Variants in RBBP4 observed in about 807,000 individuals in gnomAD.
The protein encoded by RBBP4 is histone-binding protein RBBP4.
In RBBP4, 3 loss-of-function variants were observed where a neutral mutation model predicts 57.2. The observed-to-expected ratio is 0.05, with a 90% CI of 0.02 to 0.14. The LOEUF (loss-of-function observed/expected upper bound fraction) is 0.14. Among genes scored for constraint, RBBP4 ranks in the 10% least tolerant of loss-of-function variants. RBBP4 has a pLI of 1.00. For missense variants in RBBP4, 107 were observed against 520.6 expected (o/e 0.21, Z 7.73); for synonymous variants, 151 against 171.5 (o/e 0.88, Z 0.93).
At chr1:32,654,787 G>A (rs1415546670) in intron 2 of RBBP4, among the ~76,000 whole-genome samples, 1 of 152,138 alleles carries the variant, frequency 6.6e-6, no homozygotes, top group Non-Finnish European at 1.5e-5. Context: ...TCCGCCTCCT[G>A]GGTTCAATCG....
chr1:32,672,717 G>A lies in RBBP4; in HGVS notation c.1101+18G>A. On this transcript the variant is annotated intron_variant, in intron 10 of 11. Coordinates refer to ENST00000373493, the MANE Select transcript of RBBP4 (RefSeq NM_005610.3). ...AGTTGTTGGTATGTTAAAAGCATTG[G>A]ACAGTACTGAAATAGTCTGTAATTT... The A allele has an allele frequency of 6.2e-7, 1 of 1,612,130 alleles. No homozygotes were observed. Among genetic ancestry groups the A allele is most frequent in the Non-Finnish European group, 8.5e-7 (1 of 1,178,208 alleles).
intron 3 of RBBP4, among the ~76,000 whole-genome samples, chr1:32,658,011 C>G (rs1373659662): frequency 6.6e-6 from 1 of 152,034 alleles, no homozygotes; most frequent in Non-Finnish European, 1.5e-5. Context: ...CGCCACCACG[C>G]CTAGTTAATT....
chr1:32,679,887 A>G lies in RBBP4; in HGVS notation c.*182A>G, dbSNP rs1570880282. 1.5e-6 allele frequency: 2 copies of G among 1,297,680 alleles called. No individual in the cohort carries two copies. Among genetic ancestry groups the G allele is most frequent in the South Asian group, 2.5e-5 (1 of 40,686 alleles). 80.4% of individuals were successfully genotyped at this position (1,297,680 alleles called of 1,614,324 possible). ...AATATTAATAGGGGGGCTTGATTCAACAAAGCCACAGACTTAACGTTGAAA... is the reference window on the plus strand; with the variant it reads ...AATATTAATAGGGGGGCTTGATTCAGCAAAGCCACAGACTTAACGTTGAAA... On this transcript the variant is annotated 3_prime_UTR_variant, in exon 12 of 12. Coordinates refer to ENST00000373493, the MANE Select transcript of RBBP4 (RefSeq NM_005610.3).
At chr1:32,660,131 G>C (rs147372385) in intron 3 of RBBP4, among the ~76,000 whole-genome samples, 3 of 152,120 alleles carry the variant, frequency 2.0e-5, no homozygotes, top group Admixed American at 1.3e-4. Flanking sequence ...TTTTTTGCCC[G>C]TATTTCCTTT....
intron 11 of RBBP4, among the ~76,000 whole-genome samples, chr1:32,678,448 A>C (rs1649214019): frequency 6.6e-6 from 1 of 151,814 alleles, no homozygotes; most frequent in Admixed American, 6.6e-5. Flanking sequence ...GCTGGTCTCG[A>C]ACTCCTGACC....
rs760939275 is a variant in RBBP4 at position 32,679,702 on chromosome 1, C to T, written c.1275C>T (p.Ser425=). The T allele has an allele frequency of 1.9e-6, 3 of 1,612,700 alleles. No individual in the cohort carries two copies. The Admixed American group carries it at 5.0e-5, about 27-fold the overall frequency. ...EGSVDPEGQG[S] ...GCGTGGATCCAGAAGGACAAGGGTC[C>T]TAGATATGTCTTTACTTGTTGTGAT... Residue 425 remains serine, a synonymous_variant, in exon 12 of 12, where the codon TCC becomes TCT. Coordinates refer to ENST00000373493, the MANE Select transcript of RBBP4 (RefSeq NM_005610.3).
Position 32,668,391 on chromosome 1 carries a change from T to A in RBBP4, c.477T>A (p.Ser159=). The A allele has an allele frequency of 1.3e-6, 2 of 1,594,296 alleles. No homozygotes were observed. Among genetic ancestry groups the A allele is most frequent in the Non-Finnish European group, 1.7e-6 (2 of 1,162,848 alleles). The change falls in exon 4 of 12, where the codon TCT becomes TCA. Residue 159 remains serine (S), a synonymous_variant. Transcript: ENST00000373493. ...VLVFDYTKHP[S]KPDPSGECNP... ...TTTTTGACTATACAAAACATCCTTC[T>A]AAACCAGGTATGTGCCCTTTTCTAT...
In RBBP4 at chr1:32,680,686, C is replaced by A; in HGVS notation, c.*981C>A. On this transcript the variant is annotated 3_prime_UTR_variant, in exon 12 of 12. Coordinates refer to ENST00000373493, the MANE Select transcript of RBBP4 (RefSeq NM_005610.3). ...CTGATGGGTTTTATTTAGTATAAAA[C>A]ATCCATCAAACACCAGTCTCTGGCT... 1 of 746,442 alleles carries A rather than the reference C, an allele frequency of 1.3e-6. No individual in the cohort carries two copies. Among genetic ancestry groups the A allele is most frequent in the Non-Finnish European group, 2.1e-6 (1 of 471,048 alleles). 46.2% of individuals were successfully genotyped at this position (746,442 alleles called of 1,614,324 possible).
chr1:32,681,553 T>G lies in RBBP4; in HGVS notation c.*1848T>G. On this transcript the variant is annotated 3_prime_UTR_variant, in exon 12 of 12. Coordinates refer to ENST00000373493, the MANE Select transcript of RBBP4 (RefSeq NM_005610.3). Reference sequence around the variant, plus strand: ...ATACATTCATCCTTCACTCAGTGCATATGTGAGGGTTGTTGCTGGAAGACA... The same window carrying G: ...ATACATTCATCCTTCACTCAGTGCAGATGTGAGGGTTGTTGCTGGAAGACA... The G allele has an allele frequency of 3.8e-6, 2 of 532,972 alleles. No individual in the cohort carries two copies. Among genetic ancestry groups the G allele is most frequent in the Non-Finnish European group, 6.7e-6 (2 of 298,032 alleles). The allele number at this position is 532,972 out of a possible 1,614,324, so 33.0% of individuals were successfully genotyped here.
Position 32,681,974 on chromosome 1 carries a change from T to G in RBBP4, c.*2269T>G. On this transcript the variant is annotated 3_prime_UTR_variant, in exon 12 of 12. Transcript: ENST00000373493. ...ATTTATGGATGATCAGGGATGACTT[T>G]CCCCTAGCAAATATTTGGATGCCTC... 1.1e-6 allele frequency: 1 copy of G among 924,760 alleles called. No individual in the cohort carries two copies. The highest frequency in any genetic ancestry group is 1.7e-6 in the Non-Finnish European group (1 of 583,890). 57.3% of individuals were successfully genotyped at this position (924,760 alleles called of 1,614,324 possible). A position where few individuals can be genotyped will look rare whatever the true frequency, so the allele number is the denominator to read the frequency against.
intron 3 of RBBP4, among the ~76,000 whole-genome samples, chr1:32,658,928 G>GT (rs1435714293): frequency 1.8e-5 from 1 of 55,296 alleles, no homozygotes; most frequent in African/African-American, 6.0e-5. Context: ...CAATATAAAT[G>GT]TTATATTTAT....
In RBBP4 at chr1:32,668,830, C is replaced by G; in HGVS notation, c.576C>G (p.His192Gln). ...GLSWNPNLSGHLLSASDDHTI... is the reference protein window; with the variant it reads ...GLSWNPNLSGQLLSASDDHTI... ...CTTGGAACCCAAATCTCAGTGGGCACTTACTTAGTGCTTCAGATGACCATG... is the reference window on the plus strand; with the variant it reads ...CTTGGAACCCAAATCTCAGTGGGCAGTTACTTAGTGCTTCAGATGACCATG... The change falls in exon 5 of 12, where the codon CAC becomes CAG. Residue 192 changes from histidine to glutamine, a missense_variant. Transcript: ENST00000373493. 6.2e-7 allele frequency: 1 copy of G among 1,614,150 alleles called. No individual in the cohort carries two copies.
chr1:32,656,346 G>GT (rs59971824), intron 2 of RBBP4, among the ~76,000 whole-genome samples: 124,859 of 150,748 alleles, frequency 0.83, 54,162 homozygotes, highest in Non-Finnish European at 0.96. Context: ...CCAGCCGCCG[G>GT]TTTTTTTTGT....
intron 2 of RBBP4, among the ~76,000 whole-genome samples, chr1:32,654,984 T>C (rs1315886249): frequency 1.3e-5 from 2 of 151,772 alleles, no homozygotes; most frequent in Non-Finnish European, 2.9e-5. Context: ...CGTGAGCTAG[T>C]GCACCTGGCT....
chr1:32,654,145 G>A (rs1648033465), intron 2 of RBBP4, among the ~76,000 whole-genome samples: 1 of 152,084 alleles, frequency 6.6e-6, no homozygotes, highest in African/African-American at 2.4e-5. Flanking sequence ...GGCTGAGGCA[G>A]GCAGATTGCT....
chr1:32,684,376 G>C lies in RBBP4; in HGVS notation c.*4671G>C, dbSNP rs747328384. The stretch of plus-strand genomic sequence containing the variant: ...CTCTGGCGTTCTTCCATTTCCTCCA[G>C]CTGTTCCTGCATGAGATGGCCAAGA... On this transcript the variant is annotated 3_prime_UTR_variant, in exon 12 of 12. Coordinates refer to ENST00000373493, the MANE Select transcript of RBBP4 (RefSeq NM_005610.3). 1.2e-6 allele frequency: 2 copies of C among 1,614,114 alleles called. No individual in the cohort carries two copies. Among genetic ancestry groups the C allele is most frequent in the Non-Finnish European group, 1.7e-6 (2 of 1,180,008 alleles).
chr1:32,668,090 C>G, intron 3 of RBBP4, 135 bp from the exon 4 acceptor site: 1 of 773,478 alleles, frequency 1.3e-6, no homozygotes, highest in Non-Finnish European at 2.0e-6. Context: ...ATAGTGCTAG[C>G]AAATGTATAG....
Position 32,679,974 on chromosome 1 carries a change from G to A in RBBP4, c.*269G>A. 7 of 1,217,786 alleles carry A rather than the reference G, an allele frequency of 5.7e-6. No individual in the cohort carries two copies. Among genetic ancestry groups the A allele is most frequent in the Non-Finnish European group, 7.2e-6 (7 of 978,150 alleles). 75.4% of individuals were successfully genotyped at this position (1,217,786 alleles called of 1,614,324 possible). A position where few individuals can be genotyped will look rare whatever the true frequency, so the allele number is the denominator to read the frequency against. ...GTAGCTACAGAAAGGGGAATATTAT[G>A]TGTGATTATTTTTCTTCTTATGCTA... On this transcript the variant is annotated 3_prime_UTR_variant, in exon 12 of 12. Coordinates refer to ENST00000373493, the MANE Select transcript of RBBP4 (RefSeq NM_005610.3).
rs1649629776 is a variant in RBBP4, at chr1:32,683,993, C to T, written c.*4288C>T. On this transcript the variant is annotated 3_prime_UTR_variant, in exon 12 of 12. Transcript: ENST00000373493. ...CAGTAACAATGCAAACACCACTCTT[C>T]TCTTCACAAAGATCACCTTGAGACT... 4 of 1,610,830 alleles carry T rather than the reference C, an allele frequency of 2.5e-6. No individual in the cohort carries two copies. Among genetic ancestry groups the T allele is most frequent in the Admixed American group, 1.7e-5 (1 of 59,694 alleles).
Sources: allele counts gnomAD v4.1 joint callset (sites outside exome capture counted in the v4.1 genomes callset), GRCh38; gene constraint gnomAD v4.1.1; transcripts MANE v1.5; gene names NCBI Gene and HGNC (gene_info 2026-07-23, HGNC 2026-07-21).